The following AGTPBP1 variants were observed in gnomAD, a reference collection of about 807,000 sequenced individuals.
The protein encoded by AGTPBP1 is cytosolic carboxypeptidase 1.
AGTPBP1 carries 70 observed loss-of-function variants against 143.9 expected under a neutral mutation model. That is an observed-to-expected ratio of 0.49 (90% CI 0.40 to 0.59). The LOEUF (loss-of-function observed/expected upper bound fraction) is 0.59, where lower values mean the gene tolerates loss of function less well. Among genes scored for constraint, AGTPBP1 ranks in the 20% least tolerant of loss-of-function variants. AGTPBP1 has a pLI of 0.00. For synonymous variants in AGTPBP1, 463 were observed against 500.2 expected (o/e 0.93, Z 0.99); for missense variants, 1,229 against 1,464.5 (o/e 0.84, Z 2.62).
At chr9:85,762,922 CAT>C in the AGTPBP1 span, among the ~76,000 whole-genome samples, 1 of 150,470 alleles carries the variant, frequency 6.6e-6, no homozygotes, top group Admixed American at 6.6e-5. Flanking sequence ...GTACCCAAAA[CAT>C]ATCACTGTGA....
At chr9:85,756,195 A>G in the AGTPBP1 span, 2 of 1,609,442 alleles carry the variant, frequency 1.2e-6, no homozygotes, top group South Asian at 1.1e-5. Flanking sequence ...TCTAAGAAGG[A>G]GGCTCTGTTA....
the AGTPBP1 span, among the ~76,000 whole-genome samples, chr9:85,797,537 T>A: frequency 6.6e-6 from 1 of 152,150 alleles, no homozygotes; most frequent in Admixed American, 6.6e-5. Context: ...CTTGGAGATA[T>A]CCCTTCTAGA....
chr9:85,557,446 A>C (rs1042629054), intron 25 of AGTPBP1, among the ~76,000 whole-genome samples: 1 of 152,182 alleles, frequency 6.6e-6, no homozygotes, highest in African/African-American at 2.4e-5. Flanking sequence ...AGAAGGTATG[A>C]TATGATCTCC....
chr9:85,629,004 C>T (rs1831486618), intron 14 of AGTPBP1, among the ~76,000 whole-genome samples: 1 of 152,138 alleles, frequency 6.6e-6, no homozygotes, highest in Non-Finnish European at 1.5e-5. Flanking sequence ...CATGAGCCAC[C>T]ACGCCCAGCC....
At chr9:85,751,110 C>G in the AGTPBP1 span, among the ~76,000 whole-genome samples, 1 of 152,192 alleles carries the variant, frequency 6.6e-6, no homozygotes, top group Non-Finnish European at 1.5e-5. Context: ...AGGAGCCCGT[C>G]TCTCCCCATT....
At chr9:85,672,463 C>A in intron 7 of AGTPBP1, 87 bp downstream of exon 7, 1 of 1,395,820 alleles carries the variant, frequency 7.2e-7, no homozygotes, top group Non-Finnish European at 9.8e-7. Flanking sequence ...TCACAAATAT[C>A]AGAGGTTTAC....
chr9:85,619,914 A>T (rs935506831), intron 15 of AGTPBP1, among the ~76,000 whole-genome samples: 1 of 152,178 alleles, frequency 6.6e-6, no homozygotes, highest in Admixed American at 6.5e-5. Flanking sequence ...TGTCCAAAAT[A>T]GCACTGGTAT....
At chr9:85,804,465 T>C in the AGTPBP1 span, among the ~76,000 whole-genome samples, 12 of 152,210 alleles carry the variant, frequency 7.9e-5, no homozygotes, top group African/African-American at 1.9e-4. Flanking sequence ...ACTTTTCACG[T>C]GGCACCTATC....
At chr9:85,548,174 A>T (rs1030081050) in intron 25 of AGTPBP1, among the ~76,000 whole-genome samples, 1 of 152,220 alleles carries the variant, frequency 6.6e-6, no homozygotes, top group African/African-American at 2.4e-5. Context: ...AAACCTATAA[A>T]ATCAGACAAT....
chr9:85,684,570 C>T (rs973268346), intron 3 of AGTPBP1, among the ~76,000 whole-genome samples: 1 of 151,934 alleles, frequency 6.6e-6, no homozygotes, highest in Non-Finnish European at 1.5e-5. Flanking sequence ...GCTCCTCAAA[C>T]AAGTACTCTA....
chr9:85,547,062 A>G lies in AGTPBP1; in HGVS notation c.*47T>C. On this transcript the variant is annotated 3_prime_UTR_variant, in exon 26 of 26. Coordinates refer to ENST00000357081, the MANE Select transcript of AGTPBP1 (RefSeq NM_001330701.2). Reference sequence around the variant, plus strand: ...TCAAGCTTCCTGGGAAATAAAAACCAAGATATTTCATTTATTCTTTGCAGT... The same window carrying G: ...TCAAGCTTCCTGGGAAATAAAAACCGAGATATTTCATTTATTCTTTGCAGT... 1 of 1,493,136 alleles carries G rather than the reference A, an allele frequency of 6.7e-7. No individual in the cohort carries two copies. The highest frequency in any genetic ancestry group is 8.9e-7 in the Non-Finnish European group (1 of 1,120,992). The allele number at this position is 1,493,136 out of a possible 1,614,324, so 92.5% of individuals were successfully genotyped here.
chr9:85,733,208 A>G (rs1311401433), intron 1 of AGTPBP1, among the ~76,000 whole-genome samples: 1 of 152,202 alleles, frequency 6.6e-6, no homozygotes, highest in Non-Finnish European at 1.5e-5. Flanking sequence ...AACATTCTCC[A>G]AAACAGGCCA....
At chr9:85,572,496 A>T (rs1388749165) in intron 25 of AGTPBP1, among the ~76,000 whole-genome samples, 4 of 152,248 alleles carry the variant, frequency 2.6e-5, no homozygotes, top group African/African-American at 9.6e-5. Context: ...AATCGATTAT[A>T]TGGAAATATA....
chr9:85,569,544 A>G (rs1340780241), intron 25 of AGTPBP1, among the ~76,000 whole-genome samples: 1 of 152,244 alleles, frequency 6.6e-6, no homozygotes, highest in African/African-American at 2.4e-5. Context: ...GGCTAGTTTT[A>G]TCTTCAGCCC....
Position 85,672,547 on chromosome 9 carries a change from C to CA in AGTPBP1, c.568+2dup. ...GTTAACTAAAAGCCACCTAAATACT[C>CA]ACAGTTGGCAGAATATACTCGTAAA... is the stretch of plus-strand genomic sequence containing the variant. On this transcript the variant is annotated splice_region_variant and intron_variant, in intron 7 of 25. Transcript: ENST00000357081. 1 of 1,606,426 alleles carries CA rather than the reference C, an allele frequency of 6.2e-7. No homozygotes were observed. Among genetic ancestry groups the CA allele is most frequent in the Non-Finnish European group, 8.5e-7 (1 of 1,177,834 alleles).
chr9:85,621,909 C>T (rs1830961511), intron 14 of AGTPBP1, among the ~76,000 whole-genome samples: 1 of 152,160 alleles, frequency 6.6e-6, no homozygotes, highest in Admixed American at 6.5e-5. Context: ...CAATCCCTAC[C>T]ACTGTCCTAG....
chr9:85,625,652 G>A (rs1443500851), intron 14 of AGTPBP1, among the ~76,000 whole-genome samples: 2 of 151,876 alleles, frequency 1.3e-5, no homozygotes, highest in African/African-American at 4.8e-5. Context: ...TTGGGAGGCT[G>A]AGGTGGGCAG....
rs1490658912 is a variant in AGTPBP1, at chr9:85,724,284, C to G, written c.-33-11718G>C. Among the ~76,000 whole-genome samples the G allele has an allele frequency of 2.5e-5, 3 of 118,548 alleles. No individual in the cohort carries two copies. The South Asian group carries it at 9.2e-4, about 36-fold the overall frequency. The allele number at this position is 118,548 out of a possible 152,430, so 77.8% of individuals were successfully genotyped here. ...CCTGTGCAACAGAGTGAGACTTTGT[C>G]TCAAAAAAAAAAAAAAAAAAAGAAA... On this transcript the variant is annotated intron_variant, in intron 1 of 25. Coordinates refer to ENST00000357081, the MANE Select transcript of AGTPBP1 (RefSeq NM_001330701.2).
At chr9:85,741,973 G>A, upstream of AGTPBP1, 2 of 1,234,442 alleles carry the variant, frequency 1.6e-6, no homozygotes, top group East Asian at 3.3e-5. Flanking sequence ...CCCGGGCAAC[G>A]TCAGCGCGGC....
Sources: allele counts gnomAD v4.1 joint callset (sites outside exome capture counted in the v4.1 genomes callset), GRCh38; gene constraint gnomAD v4.1.1; transcripts MANE v1.5; gene names NCBI Gene and HGNC (gene_info 2026-07-23, HGNC 2026-07-21).